GEMIN8: variants seen among roughly 807,000 people sequenced by gnomAD.
GEMIN8 encodes the protein gem nuclear organelle associated protein 8, also known as gem-associated protein 8.
For missense variants in GEMIN8, 185 were observed against 205.9 expected (o/e 0.90, Z 0.62); for synonymous variants, 80 against 78.5 (o/e 1.02, Z -0.10).
At chrX:14,017,033 A>G (rs980337230) in intron 4 of GEMIN8, among the ~76,000 whole-genome samples, 1 of 108,454 alleles carries the variant, frequency 9.2e-6, no homozygotes, top group Non-Finnish European at 1.9e-5. Context: ...CTTGGTACCA[A>G]GCACCATTCT....
At position 14,016,866 on chromosome X, in the gene GEMIN8, AATATATAT is replaced by A. The variant is rs61127994; in HGVS notation, c.472+3204_472+3211del. On this transcript the variant is annotated intron_variant, in intron 4 of 4. Transcript: ENST00000680255. ...TCTCAAAAAAAAAAAAAAAAAAAAA[AATATATAT>A]ATATATATATATATATATGTACAGA... Among the ~76,000 whole-genome samples the A allele has an allele frequency of 2.4e-3, 137 of 57,151 alleles. 1 individual carries two copies. Among genetic ancestry groups the A allele is most frequent in the Middle Eastern group, 0.024 (2 of 82 alleles). The allele number at this position is 57,151 out of a possible 115,157, so 49.6% of individuals were successfully genotyped here. A position where few individuals can be genotyped will look rare whatever the true frequency, so the allele number is the denominator to read the frequency against.
At chrX:14,010,392 A>G (rs1923454629) in intron 4 of GEMIN8, among the ~76,000 whole-genome samples, 1 of 112,129 alleles carries the variant, frequency 8.9e-6, no homozygotes, top group Non-Finnish European at 1.9e-5. Flanking sequence ...AATTGACAGC[A>G]GGGAACACAT....
At chrX:13,988,236 C>A in the GEMIN8 span, among the ~76,000 whole-genome samples, 1 of 111,427 alleles carries the variant, frequency 9.0e-6, no homozygotes, top group Non-Finnish European at 1.9e-5. Context: ...AGCATACTTG[C>A]GCACGTACAA....
In GEMIN8 at chrX:14,007,601, C is replaced by A. The variant is rs1923233146; in HGVS notation, c.*1312G>T. On this transcript the variant is annotated 3_prime_UTR_variant, in exon 5 of 5. Coordinates refer to ENST00000680255, the MANE Select transcript of GEMIN8 (RefSeq NM_001042479.2). ...CTGTTGCCCAGGCTGGAGCTCGGCT[C>A]ACTGCAAGCTCCGCCTCCTGGGTTC... 1.8e-5 allele frequency among the ~76,000 whole-genome samples: 2 copies of A among 109,499 alleles called. No individual in the cohort carries two copies. Among genetic ancestry groups the A allele is most frequent in the African/African-American group, 6.7e-5 (2 of 30,025 alleles).
chrX:13,987,425 C>T, the GEMIN8 span, among the ~76,000 whole-genome samples: 1 of 111,497 alleles, frequency 9.0e-6, no homozygotes, highest in Non-Finnish European at 1.9e-5. Flanking sequence ...AGGTAGGGAT[C>T]TGGGCTTTGG....
chrX:14,014,469 C>T, intron 4 of GEMIN8: 1 of 750,547 alleles, frequency 1.3e-6, no homozygotes. Flanking sequence ...TTTTCATGTT[C>T]CTTTCCACTT....
chrX:13,992,035 C>G, the GEMIN8 span, among the ~76,000 whole-genome samples: 2 of 112,454 alleles, frequency 1.8e-5, no homozygotes, highest in Non-Finnish European at 3.7e-5. Context: ...GCCCACAGTA[C>G]TCGTCTACTG....
chrX:13,993,382 C>T, the GEMIN8 span, among the ~76,000 whole-genome samples: 3 of 109,819 alleles, frequency 2.7e-5, no homozygotes, highest in Admixed American at 2.9e-4. Context: ...GGCACAGTCA[C>T]CTTAAGGCCA....
chrX:14,014,567 G>A, intron 4 of GEMIN8: 1 of 738,218 alleles, frequency 1.4e-6, no homozygotes, highest in Non-Finnish European at 1.6e-6. Context: ...ACGCATGTCA[G>A]GATTGTGCTC....
Position 14,020,332 on chromosome X carries a change from G to C in GEMIN8, c.218C>G (p.Pro73Arg). 8.3e-7 allele frequency: 1 copy of C among 1,208,786 alleles called. No homozygotes were observed. Residue 73 changes from proline (P) to arginine (R), a missense_variant, in exon 4 of 5, where the codon CCT (proline) becomes CGT (arginine). By Grantham distance (103) the Pro-to-Arg change is moderately radical. Coordinates refer to ENST00000680255, the MANE Select transcript of GEMIN8 (RefSeq NM_001042479.2). ...CACATGATGGTCATAGAAGGACTGA[G>C]GATACGCAGCCTCATTATCGTAAGA... The part of the protein sequence containing the change: ...QSSYDNEAAY[P>R]QSFYDHHVAW...
In GEMIN8 at chrX:14,020,459, C is replaced by G. The variant is rs61740319; in HGVS notation, c.91G>C (p.Ala31Pro). The G allele has an allele frequency of 5.0e-6, 6 of 1,205,692 alleles. No individual in the cohort carries two copies. The highest frequency in any genetic ancestry group is 6.7e-6 in the Non-Finnish European group (6 of 891,152). ...TGATGGCTTTGCATCCAAGCCATTG[C>G]TTGATGATAATGTTGCCAGTATCTT... ...YARYWQHYHQ[A>P]MAWMQSHHNA... The change falls in exon 4 of 5, where the codon GCA (alanine) becomes CCA (proline). Residue 31 changes from alanine to proline, a missense_variant. Ala to Pro is a conservative substitution (Grantham distance 27). Coordinates refer to ENST00000680255, the MANE Select transcript of GEMIN8 (RefSeq NM_001042479.2).
intron 4 of GEMIN8, chrX:14,014,486 A>G (rs1030556252): frequency 1.3e-6 from 1 of 748,180 alleles, no homozygotes; most frequent in Non-Finnish European, 1.6e-6. Context: ...ACTTTTCTAC[A>G]GCCATTAACA....
At chrX:14,020,007 A>C (rs1924192937) in intron 4 of GEMIN8, 71 bp downstream of exon 4, 2 of 573,960 alleles carry the variant, frequency 3.5e-6, no homozygotes, top group East Asian at 6.6e-5. Flanking sequence ...ATTACTTTAT[A>C]TATTAGAGAA....
chrX:14,004,906 G>A (rs889545035), downstream of GEMIN8, among the ~76,000 whole-genome samples: 1 of 111,248 alleles, frequency 9.0e-6, no homozygotes, highest in Non-Finnish European at 1.9e-5. Flanking sequence ...TGAAGGGTAT[G>A]GAATATCACT....
rs60674271 is a variant in GEMIN8 at position 14,018,444 on chromosome X, G to C, written c.472+1634C>G. 5.8e-3 allele frequency among the ~76,000 whole-genome samples: 650 copies of C among 112,016 alleles called. 10 individuals are homozygous for C. In the East Asian group the frequency reaches 0.098, roughly 17 times the overall value. ...CATAATTACAATTTCCATCATAAAA[G>C]TATCAACCTCTAGTGGGCAAAACAT... On this transcript the variant is annotated intron_variant, in intron 4 of 4. Coordinates refer to ENST00000680255, the MANE Select transcript of GEMIN8 (RefSeq NM_001042479.2).
chrX:13,990,070 G>A, the GEMIN8 span, among the ~76,000 whole-genome samples: 3 of 112,305 alleles, frequency 2.7e-5, no homozygotes, highest in Admixed American at 9.4e-5. Flanking sequence ...ATGTGACCAG[G>A]GAATTGCATT....
chrX:14,014,663 T>A, intron 4 of GEMIN8: 1 of 275,172 alleles, frequency 3.6e-6, no homozygotes, highest in Non-Finnish European at 4.9e-6. Context: ...CCGGGTTCTC[T>A]CTAGGTTTGA....
chrX:14,026,082 G>A, intron 2 of GEMIN8, 58 bp downstream of exon 2: 1 of 748,151 alleles, frequency 1.3e-6, no homozygotes, highest in African/African-American at 2.3e-5. Context: ...GATGGTTGCT[G>A]CAGATTTAGA....
downstream of GEMIN8, among the ~76,000 whole-genome samples, chrX:14,006,361 C>T (rs1223219804): frequency 1.8e-5 from 2 of 110,579 alleles, no homozygotes; most frequent in Admixed American, 9.7e-5. Flanking sequence ...CTCTGCATGC[C>T]CATCTACTCT....
Sources: gnomAD v4.1 joint callset for allele counts (sites outside exome capture counted in the v4.1 genomes callset) on GRCh38, gnomAD v4.1.1 for gene constraint, MANE v1.5 for transcripts, NCBI Gene and HGNC (gene_info 2026-07-23, HGNC 2026-07-21) for gene names.